Variants in TPST2 observed in about 807,000 individuals in gnomAD.
TPST2 encodes the protein protein-tyrosine sulfotransferase 2.
A neutral mutation model predicts 27.8 loss-of-function variants in TPST2; 16 were observed. The observed-to-expected ratio is 0.58, with a 90% CI of 0.39 to 0.88. The LOEUF is 0.88. Among genes scored for constraint, TPST2 ranks in the 40% least tolerant of loss-of-function variants. The pLI is 0.00. For synonymous variants in TPST2, 229 were observed against 231.7 expected, an observed-to-expected ratio of 0.99 and a Z score of 0.10; for missense variants, 464 against 543.1, an observed-to-expected ratio of 0.85 and a Z score of 1.45.
rs1030765356 is a variant in TPST2 at position 26,524,740 on chromosome 22, T to C, written c.*1535A>G. ...AGATACAAACTTATTGTAGGCCCAG[T>C]TGGTCCCTCAGCATTTGGGGACTGT... On this transcript the variant is annotated 3_prime_UTR_variant, in exon 7 of 7. Transcript: ENST00000338754. The C allele has an allele frequency of 3.3e-5, 5 of 152,248 alleles. No homozygotes were observed. Among genetic ancestry groups the C allele is most frequent in the African/African-American group, 1.2e-4 (5 of 41,470 alleles). 9.4% of individuals were successfully genotyped at this position (152,248 alleles called of 1,614,324 possible).
chr22:26,560,360 T>C (rs1039080839), intron 1 of TPST2, among the ~76,000 whole-genome samples: 1 of 152,140 alleles, frequency 6.6e-6, no homozygotes, highest in Non-Finnish European at 1.5e-5. Context: ...AGGTTCCTCA[T>C]TTGTAAAATG....
chr22:26,575,589 G>A (rs544669898), intron 1 of TPST2, among the ~76,000 whole-genome samples: 9 of 152,194 alleles, frequency 5.9e-5, no homozygotes, highest in East Asian at 1.9e-4. Context: ...CTGGATTCCC[G>A]GCATCCGGCA....
Position 26,536,448 on chromosome 22 carries a change from T to C in TPST2, c.881A>G (p.Asn294Ser). The part of the protein sequence containing the change: ...RSTDQVIKPV[N>S]LEALSKWTGH... Reference sequence around the variant, plus strand: ...AGTCCACTTGGAGAGCGCTTCCAGGTTAACAGGCTTGATGACCTGGTCCGT... The same window carrying C: ...AGTCCACTTGGAGAGCGCTTCCAGGCTAACAGGCTTGATGACCTGGTCCGT... The change falls in exon 4 of 7, where the codon AAC (asparagine) becomes AGC (serine). Residue 294 changes from asparagine (N) to serine (S), a missense_variant. Physicochemically the swap from Asn to Ser is conservative, Grantham distance 46 (BLOSUM62 1). Transcript: ENST00000338754. 6.4e-7 allele frequency: 1 copy of C among 1,553,980 alleles called. No homozygotes were observed. The highest frequency in any genetic ancestry group is 8.7e-7 in the Non-Finnish European group (1 of 1,149,254).
intron 1 of TPST2, among the ~76,000 whole-genome samples, chr22:26,586,436 G>C (rs1410695811): frequency 6.6e-6 from 1 of 152,034 alleles, no homozygotes; most frequent in East Asian, 1.9e-4. Context: ...TTTTTGTAGA[G>C]ATGGAGTTTC....
intron 2 of TPST2, among the ~76,000 whole-genome samples, chr22:26,543,985 C>A (rs1030669190): frequency 6.6e-6 from 1 of 152,168 alleles, no homozygotes; most frequent in Non-Finnish European, 1.5e-5. Context: ...ACACCCTCAT[C>A]ACCCTGCTGG....
intron 3 of TPST2, 28 bp downstream of exon 3, chr22:26,540,761 G>T: frequency 1.3e-6 from 2 of 1,540,896 alleles, no homozygotes; most frequent in South Asian, 2.5e-5. Context: ...GCCAGAGTCT[G>T]AGTGGAAGCA....
chr22:26,577,125 T>C (rs998827916), intron 1 of TPST2, among the ~76,000 whole-genome samples: 6 of 145,720 alleles, frequency 4.1e-5, no homozygotes, highest in South Asian at 2.1e-4. Flanking sequence ...AAAATTAAAT[T>C]AGCCAAGCGT....
chr22:26,536,061 T>G, intron 4 of TPST2: 2 of 693,038 alleles, frequency 2.9e-6, no homozygotes, highest in Non-Finnish European at 2.7e-6. Context: ...TGCTGTTAGA[T>G]GTTAGAGTAT....
chr22:26,565,934 G>A (rs1193898908), intron 1 of TPST2, among the ~76,000 whole-genome samples: 1 of 151,984 alleles, frequency 6.6e-6, no homozygotes, highest in African/African-American at 2.4e-5. Context: ...ATTGATAGTT[G>A]AACAAAGTAT....
At chr22:26,526,712 C>A (rs1022853260) in intron 6 of TPST2, among the ~76,000 whole-genome samples, 3 of 152,116 alleles carry the variant, frequency 2.0e-5, no homozygotes, top group Non-Finnish European at 4.4e-5. Flanking sequence ...AGAAAGGCAG[C>A]GAGGGAACAG....
At chr22:26,574,505 A>G (rs1376164952) in intron 1 of TPST2, among the ~76,000 whole-genome samples, 4 of 152,106 alleles carry the variant, frequency 2.6e-5, no homozygotes, top group Admixed American at 1.3e-4. Flanking sequence ...TTCCAATGGC[A>G]TCACACACAC....
chr22:26,542,942 C>G (rs1169085043), intron 2 of TPST2, among the ~76,000 whole-genome samples: 1 of 152,182 alleles, frequency 6.6e-6, no homozygotes, highest in East Asian at 1.9e-4. Flanking sequence ...CCTTCTTAGG[C>G]TATAGCAAGT....
intron 1 of TPST2, among the ~76,000 whole-genome samples, chr22:26,556,542 A>G (rs13053905): frequency 0.14 from 20,587 of 152,026 alleles, 1,894 homozygotes; most frequent in South Asian, 0.3. Flanking sequence ...CTCCATCTCA[A>G]AAAAAAAGTG....
chr22:26,559,573 C>T (rs763896972), intron 1 of TPST2, among the ~76,000 whole-genome samples: 45 of 152,154 alleles, frequency 3.0e-4, no homozygotes, highest in Non-Finnish European at 2.9e-4. Flanking sequence ...CTCCCAGCCC[C>T]AGGAGACCAC....
chr22:26,526,580 G>A (rs562289805), intron 6 of TPST2, among the ~76,000 whole-genome samples: 1 of 152,180 alleles, frequency 6.6e-6, no homozygotes, highest in Non-Finnish European at 1.5e-5. Flanking sequence ...GTTTGTTCAA[G>A]GCCAACTCTG....
chr22:26,569,065 G>A (rs538025180), intron 1 of TPST2, among the ~76,000 whole-genome samples: 1 of 152,048 alleles, frequency 6.6e-6, no homozygotes, highest in East Asian at 1.9e-4. Context: ...GGCTTTCACT[G>A]TGTTAGCCAG....
intron 1 of TPST2, among the ~76,000 whole-genome samples, chr22:26,563,515 G>A (rs764590923): frequency 1.2e-4 from 18 of 151,842 alleles, no homozygotes; most frequent in Non-Finnish European, 2.1e-4. Flanking sequence ...ATTTTTAGTA[G>A]AGATGGGGTT....
rs530005303 is a variant in TPST2 at position 26,544,065 on chromosome 22, A to G, written c.-89+539T>C. ...TAGGTGAGGGCTTCTAACTTGGAGT[A>G]CTACACTCCAAGGTTCAAATCTCAC... is the stretch of plus-strand genomic sequence containing the variant. On this transcript the variant is annotated intron_variant, in intron 2 of 6. Transcript: ENST00000338754. Among the ~76,000 whole-genome samples the G allele has an allele frequency of 2.0e-5, 3 of 152,324 alleles. No homozygotes were observed. The East Asian group carries it at 5.8e-4, about 29-fold the overall frequency.
chr22:26,564,214 C>T (rs1927268376), intron 1 of TPST2, among the ~76,000 whole-genome samples: 1 of 152,222 alleles, frequency 6.6e-6, no homozygotes, highest in Non-Finnish European at 1.5e-5. Flanking sequence ...CTGGCCACAG[C>T]CTAGGTGTCT....
Sources: allele counts gnomAD v4.1 joint callset (sites outside exome capture counted in the v4.1 genomes callset), GRCh38; gene constraint gnomAD v4.1.1; transcripts MANE v1.5; gene names NCBI Gene and HGNC (gene_info 2026-07-23, HGNC 2026-07-21).